The following SPTBN4 variants were observed in gnomAD, a reference collection of about 807,000 sequenced individuals.
The protein encoded by SPTBN4 is spectrin beta, non-erythrocytic 4, also known as spectrin beta chain, non-erythrocytic 4.
SPTBN4 carries 96 observed loss-of-function variants against 277.8 expected under a neutral mutation model. That is an observed-to-expected ratio of 0.35 (90% CI 0.29 to 0.41). SPTBN4 has a LOEUF of 0.41. SPTBN4 is among the 10% of genes least tolerant of loss of function. The pLI is 1.00. For synonymous variants in SPTBN4, 1,481 were observed against 1,580.3 expected, an observed-to-expected ratio of 0.94 and a Z score of 1.49; for missense variants, 3,006 against 3,595.7, an observed-to-expected ratio of 0.84 and a Z score of 4.19.
Position 40,490,310 on chromosome 19 carries a change from C to T in SPTBN4, c.495+62C>T. ...TGGGACTTAGGAAAGCGTTCCCCAC[C>T]ATTTACCCATTCATTCTTTCCTTCC... On this transcript the variant is annotated intron_variant, in intron 4 of 35. Transcript: ENST00000598249. The surrounding 1 kb of genome is among the most constrained non-coding windows in gnomAD (Gnocchi z 4.3). The T allele has an allele frequency of 6.5e-7, 1 of 1,530,842 alleles. No individual in the cohort carries two copies. The highest frequency in any genetic ancestry group is 8.8e-7 in the Non-Finnish European group (1 of 1,132,392). The allele number at this position is 1,530,842 out of a possible 1,614,324, so 94.8% of individuals were successfully genotyped here. A position where few individuals can be genotyped will look rare whatever the true frequency, so the allele number is the denominator to read the frequency against.
intron 2 of SPTBN4, among the ~76,000 whole-genome samples, chr19:40,486,410 C>A (rs1405591561): frequency 6.6e-6 from 1 of 151,526 alleles, no homozygotes; most frequent in Non-Finnish European, 1.5e-5. Context: ...GGCTCTGTCA[C>A]CCTTGCTGGA....
At chr19:40,549,948 C>T (rs1196405641) in intron 21 of SPTBN4, among the ~76,000 whole-genome samples, 1 of 152,116 alleles carries the variant, frequency 6.6e-6, no homozygotes, top group African/African-American at 2.4e-5. Context: ...GTGAGCCTGG[C>T]TTAAGTGCAG....
chr19:40,519,249 GTTCCATT>G lies in SPTBN4; in HGVS notation c.2904-149_2904-143del. 1.4e-6 allele frequency: 1 copy of G among 698,896 alleles called. No individual in the cohort carries two copies. Among genetic ancestry groups the G allele is most frequent in the Non-Finnish European group, 2.1e-6 (1 of 475,886 alleles). 43.3% of individuals were successfully genotyped at this position (698,896 alleles called of 1,614,324 possible). ...GCCCTAAGCAAAAGTGCTGCGTAGG[GTTCCATT>G]TTACACCGGCAGAAACTGGAGAAAC... is the stretch of plus-strand genomic sequence containing the variant. On this transcript the variant is annotated intron_variant, in intron 15 of 35. Coordinates refer to ENST00000598249, the MANE Select transcript of SPTBN4 (RefSeq NM_020971.3). The surrounding 1 kb of genome is among the most constrained non-coding windows in gnomAD (Gnocchi z 5.7).
intron 24 of SPTBN4, among the ~76,000 whole-genome samples, chr19:40,555,562 T>C (rs1289552017): frequency 1.3e-5 from 2 of 150,432 alleles, no homozygotes; most frequent in African/African-American, 2.5e-5. Flanking sequence ...GGTGAGCTTA[T>C]CCATTTAGGG....
At chr19:40,548,324 C>T (rs1479173260) in intron 20 of SPTBN4, among the ~76,000 whole-genome samples, 2 of 151,898 alleles carry the variant, frequency 1.3e-5, no homozygotes, top group Non-Finnish European at 2.9e-5. Context: ...CCCATCTCTA[C>T]TAAAAATACA....
At chr19:40,518,008 C>T (rs1279931012) in intron 15 of SPTBN4, among the ~76,000 whole-genome samples, 1 of 152,092 alleles carries the variant, frequency 6.6e-6, no homozygotes, top group Non-Finnish European at 1.5e-5. Context: ...ATCATAATGG[C>T]TTTATGCAAG....
At chr19:40,545,217 T>C (rs1177630197) in intron 20 of SPTBN4, among the ~76,000 whole-genome samples, 1 of 152,046 alleles carries the variant, frequency 6.6e-6, no homozygotes, top group Non-Finnish European at 1.5e-5. Flanking sequence ...TGCCTCAGCC[T>C]CCCAAGTAGC....
At position 40,502,691 on chromosome 19, in the gene SPTBN4, G is replaced by A. The variant is rs761629450; in HGVS notation, c.1204-84G>A. ...CCAATTTGCATGAAGTTGCCATAAT[G>A]CTATGAGTGACCTCAGACTAAGTCA... On this transcript the variant is annotated intron_variant, in intron 10 of 35. Coordinates refer to ENST00000598249, the MANE Select transcript of SPTBN4 (RefSeq NM_020971.3). This position sits in a 1 kb window ranked among gnomAD's most constrained non-coding sequence, Gnocchi z 4.9. 1.7e-5 allele frequency: 27 copies of A among 1,549,412 alleles called. No individual in the cohort carries two copies. Among genetic ancestry groups the A allele is most frequent in the Non-Finnish European group, 2.0e-5 (23 of 1,147,458 alleles).
At chr19:40,516,037 A>G (rs2145871073) in intron 15 of SPTBN4, among the ~76,000 whole-genome samples, 1 of 144,734 alleles carries the variant, frequency 6.9e-6, no homozygotes, top group Non-Finnish European at 1.5e-5. Context: ...ATATACACAT[A>G]TATATGTATA....
chr19:40,520,175 C>T (rs1355851935), intron 16 of SPTBN4, 24 bp downstream of exon 16: 8 of 1,325,352 alleles, frequency 6.0e-6, no homozygotes, highest in Non-Finnish European at 6.7e-6. Flanking sequence ...GTGTACATTT[C>T]GGAGAGGGAG....
At chr19:40,565,331 C>T (rs995203307) in intron 27 of SPTBN4, 92 bp from the exon 28 acceptor site, 4 of 1,462,418 alleles carry the variant, frequency 2.7e-6, no homozygotes, top group Admixed American at 2.2e-5. Context: ...GGGATGTCAG[C>T]CTCAAGGATT....
intron 22 of SPTBN4, among the ~76,000 whole-genome samples, chr19:40,553,284 A>G (rs1675393): frequency 1 from 152,285 of 152,318 alleles, 76,126 homozygotes; most frequent in Middle Eastern, 1. Flanking sequence ...CTTCAAGACC[A>G]GCCTGAGTAA....
At position 40,510,577 on chromosome 19, in the gene SPTBN4, A is replaced by G. The variant is rs140294226; in HGVS notation, c.1817-2029A>G. ...GCTTCGGCCTCCCAAAGTTAGGATT[A>G]CAGGTGTAAGCCACTGCGCCTAGCA... On this transcript the variant is annotated intron_variant, in intron 13 of 35. Coordinates refer to ENST00000598249, the MANE Select transcript of SPTBN4 (RefSeq NM_020971.3). Among the ~76,000 whole-genome samples, 555 of 152,268 alleles carry G rather than the reference A, an allele frequency of 3.6e-3. 8 individuals carry two copies. Among genetic ancestry groups the G allele is most frequent in the African/African-American group, 0.013 (531 of 41,536 alleles).
At chr19:40,482,989 A>G (rs2080029393) in intron 2 of SPTBN4, among the ~76,000 whole-genome samples, 1 of 151,536 alleles carries the variant, frequency 6.6e-6, no homozygotes, top group Non-Finnish European at 1.5e-5. Flanking sequence ...AATAAAATAA[A>G]TAAATAAAAT....
intron 18 of SPTBN4, 120 bp downstream of exon 18, chr19:40,529,251 C>G (rs570177065): frequency 8.8e-5 from 85 of 962,564 alleles, no homozygotes; most frequent in Non-Finnish European, 1.2e-4. Context: ...GATGCTCGCT[C>G]TAAGCCGCCA....
chr19:40,483,181 C>T (rs1313528267), intron 2 of SPTBN4, among the ~76,000 whole-genome samples: 2 of 151,906 alleles, frequency 1.3e-5, no homozygotes, highest in Non-Finnish European at 2.9e-5. Flanking sequence ...GTCACCTGGC[C>T]AGTTATTAGT....
Position 40,560,430 on chromosome 19 carries a change from C to T in SPTBN4, c.5915+27C>T, listed in dbSNP as rs370259177. The T allele has an allele frequency of 2.5e-6, 4 of 1,613,494 alleles. No homozygotes were observed. Among genetic ancestry groups the T allele is most frequent in the Non-Finnish European group, 2.5e-6 (3 of 1,179,708 alleles). On this transcript the variant is annotated intron_variant, in intron 27 of 35. Transcript: ENST00000598249. This position sits in a 1 kb window ranked among gnomAD's most constrained non-coding sequence, Gnocchi z 5.2. The stretch of plus-strand genomic sequence containing the variant: ...TGCCCCTCATCCCTCCTCGGGCTTC[C>T]TGCCTCCCCCTGGTGGCCTACCCCA...
At chr19:40,517,951 C>A (rs1391324465) in intron 15 of SPTBN4, among the ~76,000 whole-genome samples, 1 of 152,066 alleles carries the variant, frequency 6.6e-6, no homozygotes, top group African/African-American at 2.4e-5. Flanking sequence ...CTAGAGGGGG[C>A]AGAAAGACAG....
At chr19:40,505,657 C>T (rs894023291) in intron 12 of SPTBN4, among the ~76,000 whole-genome samples, 7 of 145,864 alleles carry the variant, frequency 4.8e-5, no homozygotes, top group Non-Finnish European at 1.0e-4. Flanking sequence ...GTGACAGAGG[C>T]AGACTCTGTC....
Sources: allele counts gnomAD v4.1 joint callset (sites outside exome capture counted in the v4.1 genomes callset), GRCh38; gene constraint gnomAD v4.1.1; non-coding constraint Gnocchi (gnomAD v3.1); transcripts MANE v1.5; gene names NCBI Gene and HGNC (gene_info 2026-07-23, HGNC 2026-07-21).